NLRP5: variants seen among roughly 807,000 people sequenced by gnomAD.
NLRP5 encodes the protein NLR family pyrin domain containing 5.
A neutral mutation model predicts 113.1 loss-of-function variants in NLRP5; 93 were observed. The ratio of observed to expected loss-of-function variants is 0.82; its 90% CI spans 0.70 to 0.98. The LOEUF is 0.98. Among genes scored for constraint, NLRP5 ranks in the 50% least tolerant of loss-of-function variants. The probability of loss-of-function intolerance (pLI) is 0.00; values close to 1 mark genes in which losing one functional copy is unlikely to be tolerated. For synonymous variants in NLRP5, 751 were observed against 600.7 expected (o/e 1.25, Z -3.66); for missense variants, 1,808 against 1,514.3 (o/e 1.19, Z -3.22).
intron 13 of NLRP5, among the ~76,000 whole-genome samples, chr19:56,055,504 T>G (rs1275351214): frequency 2.7e-5 from 4 of 149,752 alleles, no homozygotes; most frequent in African/African-American, 9.7e-5. Context: ...ATCACTCATC[T>G]TTTAGCTCCA....
intron 7 of NLRP5, among the ~76,000 whole-genome samples, chr19:56,029,099 G>T (rs1293722142): frequency 6.6e-6 from 1 of 151,882 alleles, no homozygotes; most frequent in East Asian, 1.9e-4. Context: ...CTGCTTATTT[G>T]GTATGGTGTC....
intron 13 of NLRP5, among the ~76,000 whole-genome samples, chr19:56,055,272 G>T (rs983075515): frequency 1.3e-5 from 2 of 151,278 alleles, no homozygotes; most frequent in African/African-American, 4.9e-5. Flanking sequence ...GATGACAGGC[G>T]TGAGCCACCG....
In NLRP5 at chr19:56,050,466, T is replaced by A; in HGVS notation, c.3006T>A (p.Leu1002=). ...CGGCTGGCTGTGGTTTTCTTGCACT[T>A]GCGCTTATGGGTAACTCATGGCTGA... The change falls in exon 12 of 15, where the codon CTT becomes CTA. Residue 1002 remains leucine (L), a synonymous_variant. Coordinates refer to ENST00000390649, the MANE Select transcript of NLRP5 (RefSeq NM_153447.4). 1 of 1,613,862 alleles carries A rather than the reference T, an allele frequency of 6.2e-7. No homozygotes were observed. Among genetic ancestry groups the A allele is most frequent in the Non-Finnish European group, 8.5e-7 (1 of 1,179,848 alleles).
At position 56,043,542 on chromosome 19, in the gene NLRP5, C is replaced by CTTTTT. The variant is rs369622191; in HGVS notation, c.2957+2487_2957+2491dup. 2.7e-3 allele frequency among the ~76,000 whole-genome samples: 252 copies of CTTTTT among 92,730 alleles called. 26 individuals are homozygous for CTTTTT. Among genetic ancestry groups the CTTTTT allele is most frequent in the Middle Eastern group, 6.3e-3 (1 of 160 alleles). 60.8% of individuals were successfully genotyped at this position (92,730 alleles called of 152,430 possible). A position where few individuals can be genotyped will look rare whatever the true frequency, so the allele number is the denominator to read the frequency against. ...TGGATTGTCTGTTTACTCTGCTATT[C>CTTTTT]TTTTTTTTTTTTTTTTTTTTTTTTT... On this transcript the variant is annotated intron_variant, in intron 11 of 14. Transcript: ENST00000390649.
chr19:56,027,181 C>A lies in NLRP5; in HGVS notation c.948C>A (p.Val316=). The A allele has an allele frequency of 6.2e-7, 1 of 1,608,498 alleles. No individual in the cohort carries two copies. The highest frequency in any genetic ancestry group is 1.7e-4 in the Middle Eastern group (1 of 6,054). The change falls in exon 7 of 15, where the codon GTC becomes GTA. Residue 316 remains valine (V), a synonymous_variant. Coordinates refer to ENST00000390649, the MANE Select transcript of NLRP5 (RefSeq NM_153447.4). The stretch of plus-strand genomic sequence containing the variant: ...TCTACCAGGGAATGTTCTCCTACGT[C>A]TTCTTCCTCCCCGTTAGAGAGATGC...
At chr19:55,992,531 G>GT in the NLRP5 span, among the ~76,000 whole-genome samples, 3 of 152,232 alleles carry the variant, frequency 2.0e-5, no homozygotes, top group South Asian at 6.2e-4. Flanking sequence ...AGCAGCGTCG[G>GT]TTTTTTGACT....
intron 1 of NLRP5, chr19:55,999,810 C>T (rs1568479012): frequency 1.3e-6 from 2 of 1,599,858 alleles, no homozygotes; most frequent in Non-Finnish European, 8.6e-7. Context: ...TTAGAGTTAC[C>T]TATGAGGAAA....
In NLRP5 at chr19:56,038,081, C is replaced by T. The variant is rs777046137; in HGVS notation, c.2672C>T (p.Thr891Met). ...TACCTGAAGATCTCCCAAATCCTTA[C>T]GACCTCCCCCAGCCTGAAATCTCTG... The change falls in exon 10 of 15, where the codon ACG becomes ATG. Residue 891 changes from threonine to methionine, a missense_variant. Thr to Met is a moderately conservative substitution (Grantham distance 81). Coordinates refer to ENST00000390649, the MANE Select transcript of NLRP5 (RefSeq NM_153447.4). The T allele has an allele frequency of 2.0e-5, 33 of 1,613,802 alleles. No homozygotes were observed. The highest frequency in any genetic ancestry group is 6.7e-5 in the East Asian group (3 of 44,880).
rs897049160 is a variant in NLRP5 at position 56,020,073 on chromosome 19, C to T, written c.623-302C>T. 2.6e-5 allele frequency among the ~76,000 whole-genome samples: 4 copies of T among 151,832 alleles called. 1 individual carries two copies. The highest frequency in any genetic ancestry group is 9.7e-5 in the African/African-American group (4 of 41,172). On this transcript the variant is annotated intron_variant, in intron 5 of 14. Transcript: ENST00000390649. Reference sequence around the variant, plus strand: ...GCTGGTCTCGAACTCGTGACCTCGGCTGCCCACCTCGGCCTCCCAAAGTGC... The same window carrying T: ...GCTGGTCTCGAACTCGTGACCTCGGTTGCCCACCTCGGCCTCCCAAAGTGC...
chr19:56,011,207 T>G (rs974170367), intron 3 of NLRP5, among the ~76,000 whole-genome samples: 1 of 151,898 alleles, frequency 6.6e-6, no homozygotes, highest in Non-Finnish European at 1.5e-5. Context: ...GGATGGACCT[T>G]GAAGACACTA....
At chr19:56,025,058 G>A (rs1483987365) in intron 6 of NLRP5, among the ~76,000 whole-genome samples, 1 of 142,624 alleles carries the variant, frequency 7.0e-6, no homozygotes, top group Non-Finnish European at 1.5e-5. Flanking sequence ...GTGCTTATGA[G>A]AATCTAATGC....
intron 6 of NLRP5, among the ~76,000 whole-genome samples, chr19:56,021,140 G>A (rs958467263): frequency 6.6e-6 from 1 of 152,094 alleles, no homozygotes; most frequent in Non-Finnish European, 1.5e-5. Flanking sequence ...AAAGTGCTGG[G>A]ATTACAGGCA....
intron 2 of NLRP5, among the ~76,000 whole-genome samples, chr19:56,006,889 G>A (rs536043580): frequency 5.3e-5 from 8 of 151,432 alleles, no homozygotes; most frequent in South Asian, 2.1e-4. Context: ...ACAGGTGCCC[G>A]CCAGCACTCC....
intron 1 of NLRP5, among the ~76,000 whole-genome samples, chr19:56,001,334 AAC>A (rs201118734): frequency 0.2 from 29,440 of 146,128 alleles, 4,066 homozygotes; most frequent in African/African-American, 0.26. Context: ...TAAAAAAAAA[AAC>A]AAACAAAAAA....
intron 1 of NLRP5, among the ~76,000 whole-genome samples, chr19:56,000,365 TTTTTTG>T (rs1435858878): frequency 6.6e-6 from 1 of 152,042 alleles, no homozygotes; most frequent in African/African-American, 2.4e-5. Context: ...CCTCATGTTT[TTTTTTG>T]TTTGTTTTTT....
intron 2 of NLRP5, among the ~76,000 whole-genome samples, chr19:56,006,392 T>C (rs1981913363): frequency 6.6e-6 from 1 of 151,760 alleles, no homozygotes; most frequent in Non-Finnish European, 1.5e-5. Context: ...ACCTGCACAT[T>C]GTGCACATGT....
intron 13 of NLRP5, among the ~76,000 whole-genome samples, chr19:56,055,262 G>A (rs1984089102): frequency 6.6e-6 from 1 of 151,880 alleles, no homozygotes; most frequent in Non-Finnish European, 1.5e-5. Flanking sequence ...AAAGTGCTGG[G>A]ATGACAGGCG....
At chr19:56,059,881 C>T (rs1021562167) in intron 14 of NLRP5, among the ~76,000 whole-genome samples, 2 of 152,130 alleles carry the variant, frequency 1.3e-5, no homozygotes, top group Admixed American at 6.6e-5. Context: ...CTGTTTTCTC[C>T]AGTATGGTCC....
At chr19:56,012,308 C>T (rs1354442262) in intron 3 of NLRP5, among the ~76,000 whole-genome samples, 1 of 152,032 alleles carries the variant, frequency 6.6e-6, no homozygotes, top group African/African-American at 2.4e-5. Flanking sequence ...GCCACCATGT[C>T]CGGCTAATTT....
Sources: gnomAD v4.1 joint callset for allele counts (sites outside exome capture counted in the v4.1 genomes callset) on GRCh38, gnomAD v4.1.1 for gene constraint, MANE v1.5 for transcripts, NCBI Gene and HGNC (gene_info 2026-07-23, HGNC 2026-07-21) for gene names.